Variants in SAMD4B observed in about 807,000 individuals in gnomAD.
SAMD4B encodes the protein protein Smaug homolog 2.
SAMD4B carries 5 observed loss-of-function variants against 74.5 expected under a neutral mutation model. That is an observed-to-expected ratio of 0.07 (90% CI 0.04 to 0.14). SAMD4B has a LOEUF of 0.14. Among genes scored for constraint, SAMD4B ranks in the 10% least tolerant of loss-of-function variants. The probability of loss-of-function intolerance (pLI) is 1.00; values close to 1 mark genes in which losing one functional copy is unlikely to be tolerated. For synonymous variants in SAMD4B, 373 were observed against 374.9 expected (o/e 1.00, Z 0.06); for missense variants, 608 against 921.8 (o/e 0.66, Z 4.41).
chr19:39,355,239 T>C (rs931101809), intron 2 of SAMD4B, among the ~76,000 whole-genome samples: 2 of 152,312 alleles, frequency 1.3e-5, no homozygotes, highest in Non-Finnish European at 2.9e-5. Flanking sequence ...AGGTGACATC[T>C]GATTTCCCCT....
chr19:39,380,461 G>C, intron 10 of SAMD4B, 126 bp from the exon 11 acceptor site: 1 of 1,024,250 alleles, frequency 9.8e-7, no homozygotes, highest in Non-Finnish European at 1.5e-6. Context: ...GGCAGATGAG[G>C]ACAGAATGTG....
At chr19:39,389,032 A>G, downstream of SAMD4B, 2 of 1,613,988 alleles carry the variant, frequency 1.2e-6, no homozygotes, top group Non-Finnish European at 1.7e-6. This position sits in a 1 kb window ranked among gnomAD's most constrained non-coding sequence, Gnocchi z 5.3. Flanking sequence ...GAACAAAAAC[A>G]AGGTGAGGAG....
intron 3 of SAMD4B, among the ~76,000 whole-genome samples, chr19:39,365,621 G>C (rs1165021768): frequency 1.3e-5 from 2 of 152,100 alleles, no homozygotes; most frequent in Non-Finnish European, 2.9e-5. Context: ...AATGGGCTCT[G>C]TCACTTAGGG....
At chr19:39,380,522 A>G in intron 10 of SAMD4B, 65 bp from the exon 11 acceptor site, 1 of 1,544,488 alleles carries the variant, frequency 6.5e-7, no homozygotes, top group South Asian at 1.1e-5. Flanking sequence ...GGGGAAGGTG[A>G]GGAAGGGGTG....
chr19:39,348,332 T>A (rs893167242), intron 1 of SAMD4B: 1 of 152,212 alleles, frequency 6.6e-6, no homozygotes, highest in Admixed American at 6.5e-5. Context: ...GAAACATCTC[T>A]TGATGATGAT....
At chr19:39,389,338 CTCTG>C (rs1322252050), downstream of SAMD4B, 3 of 1,614,082 alleles carry the variant, frequency 1.9e-6, no homozygotes, top group Non-Finnish European at 2.5e-6. This position sits in a 1 kb window ranked among gnomAD's most constrained non-coding sequence, Gnocchi z 5.3. Flanking sequence ...TGGAGATGTA[CTCTG>C]TCTTTCGCAT....
At chr19:39,390,103 G>A (rs780959711), downstream of SAMD4B, 4 of 1,613,982 alleles carry the variant, frequency 2.5e-6, no homozygotes, top group Non-Finnish European at 3.4e-6. Flanking sequence ...ATGAACTTGG[G>A]GTCGAAGGGG....
chr19:39,362,793 C>G (rs1029995882), intron 3 of SAMD4B, among the ~76,000 whole-genome samples: 3 of 152,064 alleles, frequency 2.0e-5, no homozygotes, highest in African/African-American at 7.2e-5. Flanking sequence ...TTCCCACCTC[C>G]TATTCTGAGT....
intron 4 of SAMD4B, among the ~76,000 whole-genome samples, chr19:39,370,602 C>T (rs925607717): frequency 6.6e-6 from 1 of 152,174 alleles, no homozygotes; most frequent in African/African-American, 2.4e-5. Flanking sequence ...GGGCATCAGG[C>T]TATGACGCTT....
rs538347174 is a variant in SAMD4B at position 39,384,250 on chromosome 19, C to G, written c.*723C>G. ...AGGTCTCTCTCAGCCAAGACAGTGG[C>G]AGGGAGAGCCTGAACTTTATGAGGG... On this transcript the variant is annotated 3_prime_UTR_variant, in exon 14 of 14. Transcript: ENST00000610417. 6.5e-6 allele frequency: 1 copy of G among 153,396 alleles called. No homozygotes were observed. Among genetic ancestry groups the G allele is most frequent in the East Asian group, 1.9e-4 (1 of 5,182 alleles). The allele number at this position is 153,396 out of a possible 1,614,324, so 9.5% of individuals were successfully genotyped here. A position where few individuals can be genotyped will look rare whatever the true frequency, so the allele number is the denominator to read the frequency against.
rs2078221981 is a variant in SAMD4B at position 39,385,408 on chromosome 19, C to G, written c.*1881C>G. ...GGTGAGGGACACCGTCTCACACACA[C>G]AGGGAGGCAAGAGCTGCCCCCCACC... On this transcript the variant is annotated 3_prime_UTR_variant, in exon 14 of 14. Transcript: ENST00000610417. The G allele has an allele frequency of 4.8e-6, 2 of 413,632 alleles. No homozygotes were observed. The highest frequency in any genetic ancestry group is 8.5e-6 in the Non-Finnish European group (2 of 234,136). The allele number at this position is 413,632 out of a possible 1,614,324, so 25.6% of individuals were successfully genotyped here.
At chr19:39,386,334 C>G, downstream of SAMD4B, 1 of 1,614,202 alleles carries the variant, frequency 6.2e-7, no homozygotes, top group Non-Finnish European at 8.5e-7. This position sits in a 1 kb window ranked among gnomAD's most constrained non-coding sequence, Gnocchi z 6.1. Context: ...CTCCCGTTCA[C>G]TCTCGCTGCC....
intron 1 of SAMD4B, among the ~76,000 whole-genome samples, chr19:39,344,429 C>CA (rs1188112522): frequency 1.3e-5 from 2 of 152,150 alleles, no homozygotes; most frequent in Non-Finnish European, 2.9e-5. Context: ...CAGAAGACCA[C>CA]ACCTTCCTCA....
intron 9 of SAMD4B, among the ~76,000 whole-genome samples, chr19:39,379,117 ACCT>A: frequency 6.6e-6 from 1 of 150,494 alleles, no homozygotes; most frequent in South Asian, 2.1e-4. Flanking sequence ...TTTTGAACTG[ACCT>A]CAAGTGATCC....
At position 39,354,049 on chromosome 19, in the gene SAMD4B, T is replaced by C. The variant is rs774399334; in HGVS notation, c.-223T>C. On this transcript the variant is annotated 5_prime_UTR_variant, in exon 2 of 14. Transcript: ENST00000610417. ...GCTCCAGGCAGCCACTACCAATCGA[T>C]TGGAGTTAGCCTGTGAGGTAAAACC... 6.6e-6 allele frequency: 1 copy of C among 152,230 alleles called. No individual in the cohort carries two copies. Among genetic ancestry groups the C allele is most frequent in the Non-Finnish European group, 1.5e-5 (1 of 68,046 alleles). The allele number at this position is 152,230 out of a possible 1,614,324, so 9.4% of individuals were successfully genotyped here.
At position 39,376,309 on chromosome 19, in the gene SAMD4B, T is replaced by TC. The variant is rs973506121; in HGVS notation, c.908-122dup. ...AAGAAGGAGCTGATGGAACCTTAGCTCCCCCCAACCCCCTCCCAATTTTTT... is the reference window on the plus strand; with the variant it reads ...AAGAAGGAGCTGATGGAACCTTAGCTCCCCCCCAACCCCCTCCCAATTTTTT... On this transcript the variant is annotated intron_variant, in intron 5 of 13. Transcript: ENST00000610417. 1.0e-4 allele frequency: 71 copies of TC among 698,226 alleles called. No homozygotes were observed. The African/African-American group carries it at 1.1e-3, about 10-fold the overall frequency. 43.3% of individuals were successfully genotyped at this position (698,226 alleles called of 1,614,324 possible). A position where few individuals can be genotyped will look rare whatever the true frequency, so the allele number is the denominator to read the frequency against.
chr19:39,385,515 T>C lies in SAMD4B; in HGVS notation c.*1988T>C. 1 of 450,346 alleles carries C rather than the reference T, an allele frequency of 2.2e-6. No homozygotes were observed. Among genetic ancestry groups the C allele is most frequent in the African/African-American group, 2.1e-5 (1 of 48,036 alleles). The allele number at this position is 450,346 out of a possible 1,614,324, so 27.9% of individuals were successfully genotyped here. A position where few individuals can be genotyped will look rare whatever the true frequency, so the allele number is the denominator to read the frequency against. Reference sequence around the variant, plus strand: ...CTGACCCTCTCCCGCTCCAGCCCCCTCCCCAGGCCCTCCTCCATGATTTCA... The same window carrying C: ...CTGACCCTCTCCCGCTCCAGCCCCCCCCCCAGGCCCTCCTCCATGATTTCA... On this transcript the variant is annotated 3_prime_UTR_variant, in exon 14 of 14. Transcript: ENST00000610417.
intron 3 of SAMD4B, among the ~76,000 whole-genome samples, chr19:39,366,396 G>A (rs528098871): frequency 2.2e-4 from 34 of 152,128 alleles, no homozygotes; most frequent in East Asian, 5.8e-4. Context: ...ACTTTAACCC[G>A]GAGGCGGAGG....
rs1243714726 is a variant in SAMD4B at position 39,378,865 on chromosome 19, C to T, written c.1530+276C>T. 1.3e-5 allele frequency among the ~76,000 whole-genome samples: 2 copies of T among 152,240 alleles called. No homozygotes were observed. Among genetic ancestry groups the T allele is most frequent in the Non-Finnish European group, 2.9e-5 (2 of 68,044 alleles). The stretch of plus-strand genomic sequence containing the variant: ...CTTGTGGTGAGCCAAGATCGCGCCA[C>T]TGCACTCCAGCCTGGACGACAGAGT... On this transcript the variant is annotated intron_variant, in intron 9 of 13. Coordinates refer to ENST00000610417, the MANE Select transcript of SAMD4B (RefSeq NM_001384574.2). This position sits in a 1 kb window ranked among gnomAD's most constrained non-coding sequence, Gnocchi z 4.4.
Sources: allele counts gnomAD v4.1 joint callset (sites outside exome capture counted in the v4.1 genomes callset), GRCh38; gene constraint gnomAD v4.1.1; non-coding constraint Gnocchi (gnomAD v3.1); transcripts MANE v1.5; gene names NCBI Gene and HGNC (gene_info 2026-07-23, HGNC 2026-07-21).